The following MACROD2 variants were observed in gnomAD, a reference collection of about 807,000 sequenced individuals.
The protein encoded by MACROD2 is mono-ADP ribosylhydrolase 2.
In MACROD2, 36 loss-of-function variants were observed where a neutral mutation model predicts 70.4. That is an observed-to-expected ratio of 0.51 (90% confidence interval 0.39 to 0.68). The LOEUF is 0.68. MACROD2 is among the 30% of genes least tolerant of loss of function. The pLI, the probability that MACROD2 is intolerant of heterozygous loss-of-function variation, is 0.00. For missense variants in MACROD2, 496 were observed against 538.4 expected (o/e 0.92, Z 0.78); for synonymous variants, 172 against 178.8 (o/e 0.96, Z 0.30).
At chr20:15,375,018 G>A (rs986119445) in intron 6 of MACROD2, among the ~76,000 whole-genome samples, 29 of 152,244 alleles carry the variant, frequency 1.9e-4, no homozygotes, top group African/African-American at 7.0e-4. Flanking sequence ...GGCCGGCATT[G>A]GATGAGCTTT....
chr20:15,196,179 A>G (rs1437366669), intron 5 of MACROD2, among the ~76,000 whole-genome samples: 1 of 152,140 alleles, frequency 6.6e-6, no homozygotes, highest in South Asian at 2.1e-4. Context: ...CAGCAAAACC[A>G]TCATCGCACA....
chr20:14,910,086 TC>T (rs1267582994), intron 5 of MACROD2, among the ~76,000 whole-genome samples: 1 of 152,200 alleles, frequency 6.6e-6, no homozygotes, highest in Non-Finnish European at 1.5e-5. Context: ...TAAATGAAAC[TC>T]TCTTTTGAGA....
intron 8 of MACROD2, among the ~76,000 whole-genome samples, chr20:15,801,114 G>A (rs1426746192): frequency 6.8e-6 from 1 of 147,742 alleles, no homozygotes; most frequent in Non-Finnish European, 1.5e-5. Context: ...TTTATCTGCT[G>A]ACCTTCCCTC....
chr20:15,593,315 G>A (rs1353452739), intron 8 of MACROD2, among the ~76,000 whole-genome samples: 2 of 152,150 alleles, frequency 1.3e-5, no homozygotes, highest in South Asian at 4.2e-4. Flanking sequence ...CTTAGGATGA[G>A]ACTCTGGTGT....
rs1362683234 is a variant in MACROD2, at chr20:15,208,602, T to C, written c.419-21338T>C. ...GGATTCTGCCTCATTACAACTGCCA[T>C]GTTGTAGGGGTGAAGGTCCAGTTCC... On this transcript the variant is annotated intron_variant, in intron 5 of 17. Transcript: ENST00000684519. 2.0e-5 allele frequency among the ~76,000 whole-genome samples: 3 copies of C among 152,240 alleles called. No homozygotes were observed. The South Asian group carries it at 6.2e-4, about 32-fold the overall frequency.
At chr20:14,890,223 G>A (rs1233948093) in intron 5 of MACROD2, among the ~76,000 whole-genome samples, 1 of 152,068 alleles carries the variant, frequency 6.6e-6, no homozygotes, top group African/African-American at 2.4e-5. Flanking sequence ...CAACTTGAGA[G>A]TTGTTGGTAA....
intron 3 of MACROD2, chr20:14,337,688 C>T (rs994096204): frequency 4.5e-5 from 18 of 396,292 alleles, no homozygotes; most frequent in Non-Finnish European, 7.1e-5. Flanking sequence ...CATAGATGGG[C>T]AGGACTTAGC....
At chr20:15,985,389 G>A (rs2066465172) in intron 13 of MACROD2, among the ~76,000 whole-genome samples, 1 of 152,120 alleles carries the variant, frequency 6.6e-6, no homozygotes, top group African/African-American at 2.4e-5. Context: ...AAAGTATCTA[G>A]CAATTCAAGT....
chr20:14,586,585 G>T (rs969691885), intron 4 of MACROD2, among the ~76,000 whole-genome samples: 2 of 152,044 alleles, frequency 1.3e-5, no homozygotes, highest in Non-Finnish European at 2.9e-5. Flanking sequence ...AACTGATTCT[G>T]AATAAAGATG....
At chr20:14,330,364 T>C (rs1278264256) in intron 3 of MACROD2, among the ~76,000 whole-genome samples, 2 of 152,012 alleles carry the variant, frequency 1.3e-5, no homozygotes, top group African/African-American at 2.4e-5. Flanking sequence ...GTAGGGAACA[T>C]TTGAGTATCC....
At chr20:15,404,953 A>AT in intron 6 of MACROD2, among the ~76,000 whole-genome samples, 1 of 152,368 alleles carries the variant, frequency 6.6e-6, no homozygotes, top group South Asian at 2.1e-4. Flanking sequence ...TTATTCAGTC[A>AT]TAAAAATGAA....
At position 14,162,892 on chromosome 20, in the gene MACROD2, G is replaced by A. The variant is rs190229958; in HGVS notation, c.271+77164G>A. ...ACATTCAAGGTTGCTATTGATATAT[G>A]AGGCCTTATTCCTGTCATTTTATTA... is the stretch of plus-strand genomic sequence containing the variant. On this transcript the variant is annotated intron_variant, in intron 3 of 17. Transcript: ENST00000684519. Among the ~76,000 whole-genome samples, 453 of 152,036 alleles carry A rather than the reference G, an allele frequency of 3.0e-3. 2 individuals carry two copies. Among genetic ancestry groups the A allele is most frequent in the African/African-American group, 0.01 (427 of 41,480 alleles).
intron 5 of MACROD2, among the ~76,000 whole-genome samples, chr20:14,856,062 T>G (rs2073252722): frequency 6.6e-6 from 1 of 152,140 alleles, no homozygotes; most frequent in Non-Finnish European, 1.5e-5. Flanking sequence ...TCAAGATCCA[T>G]TATATTACAT....
At chr20:14,431,033 G>GAGGC (rs1289364078) in intron 3 of MACROD2, among the ~76,000 whole-genome samples, 3 of 152,136 alleles carry the variant, frequency 2.0e-5, no homozygotes, top group African/African-American at 7.2e-5. Flanking sequence ...CATCTTCTCT[G>GAGGC]AGGCACTGGT....
intron 8 of MACROD2, among the ~76,000 whole-genome samples, chr20:15,807,169 T>C (rs937012410): frequency 2.6e-5 from 4 of 152,234 alleles, no homozygotes; most frequent in Non-Finnish European, 5.9e-5. Context: ...CACTGGAGAA[T>C]CCAGCTGATT....
chr20:14,129,614 T>C (rs2054693010), intron 3 of MACROD2, among the ~76,000 whole-genome samples: 1 of 152,178 alleles, frequency 6.6e-6, no homozygotes, highest in African/African-American at 2.4e-5. Flanking sequence ...TGCTATTAAA[T>C]AGCATGACAT....
intron 5 of MACROD2, among the ~76,000 whole-genome samples, chr20:15,184,846 A>G (rs960649823): frequency 6.6e-6 from 1 of 152,182 alleles, no homozygotes; most frequent in African/African-American, 2.4e-5. Flanking sequence ...CTTCCATTCA[A>G]TTAATATATG....
At chr20:14,782,294 A>G (rs1159546338) in intron 5 of MACROD2, among the ~76,000 whole-genome samples, 1 of 152,106 alleles carries the variant, frequency 6.6e-6, no homozygotes, top group Non-Finnish European at 1.5e-5. Context: ...GAACAATTAT[A>G]TTAAAATACT....
chr20:14,516,730 T>A (rs1405054270), intron 4 of MACROD2, among the ~76,000 whole-genome samples: 2 of 152,062 alleles, frequency 1.3e-5, no homozygotes, highest in Non-Finnish European at 2.9e-5. Flanking sequence ...TGAAGTCAGA[T>A]AACATGATGG....
Sources: gnomAD v4.1 joint callset for allele counts (sites outside exome capture counted in the v4.1 genomes callset) on GRCh38, gnomAD v4.1.1 for gene constraint, MANE v1.5 for transcripts, NCBI Gene and HGNC (gene_info 2026-07-23, HGNC 2026-07-21) for gene names.